The following EIF4G3 variants were observed in gnomAD, a reference collection of about 807,000 sequenced individuals.
EIF4G3 encodes eIF-4-gamma 3.
In EIF4G3, 34 loss-of-function variants were observed where a neutral mutation model predicts 186.4. The ratio of observed to expected loss-of-function variants is 0.18; its 90% CI spans 0.14 to 0.24. EIF4G3 has a LOEUF of 0.24. Among genes scored for constraint, EIF4G3 ranks in the 10% least tolerant of loss-of-function variants. EIF4G3 has a pLI of 1.00. For synonymous variants in EIF4G3, 673 were observed against 679.5 expected, an observed-to-expected ratio of 0.99 and a Z score of 0.15; for missense variants, 1,536 against 1,948.5, an observed-to-expected ratio of 0.79 and a Z score of 3.99.
intron 4 of EIF4G3, among the ~76,000 whole-genome samples, chr1:21,029,465 CG>C (rs112330550): frequency 1.6e-4 from 23 of 143,136 alleles, no homozygotes; most frequent in East Asian, 4.3e-4. Flanking sequence ...GAAATTGAGT[CG>C]GGGGGGGGAA....
At chr1:20,863,446 C>CTTTT (rs66717219) in intron 22 of EIF4G3, among the ~76,000 whole-genome samples, 1 of 113,146 alleles carries the variant, frequency 8.8e-6, no homozygotes, top group African/African-American at 3.4e-5. Context: ...TTTTTTTTTC[C>CTTTT]TTTTTTTTTT....
intron 18 of EIF4G3, chr1:20,892,697 T>C (rs944383063): frequency 3.8e-5 from 59 of 1,535,958 alleles, no homozygotes; most frequent in Admixed American, 1.8e-4. Context: ...GTTCCAGAAT[T>C]GGCAATCCAT....
chr1:21,144,652 T>A (rs557932313), intron 2 of EIF4G3, among the ~76,000 whole-genome samples: 101 of 152,310 alleles, frequency 6.6e-4, no homozygotes, highest in African/African-American at 2.3e-3. Flanking sequence ...TTTAACAATG[T>A]TAAACTGAGC....
At position 20,963,966 on chromosome 1, in the gene EIF4G3, C is replaced by T. The variant is rs2154564902; in HGVS notation, c.714+5508G>A. ...AAAAAAAAATTAAGTGATTTTTGATCCACCATTCATCCTATTTGGAAGTAG... is the reference window on the plus strand; with the variant it reads ...AAAAAAAAATTAAGTGATTTTTGATTCACCATTCATCCTATTTGGAAGTAG... On this transcript the variant is annotated intron_variant, in intron 12 of 36. Transcript: ENST00000602326. Among the ~76,000 whole-genome samples, 4 of 151,594 alleles carry T rather than the reference C, an allele frequency of 2.6e-5. No individual in the cohort carries two copies. The Middle Eastern group carries it at 0.01, about 387-fold the overall frequency.
At chr1:21,073,572 C>G in intron 3 of EIF4G3, 1 of 453,150 alleles carries the variant, frequency 2.2e-6, no homozygotes, top group South Asian at 1.6e-5. Context: ...AAAATGGCAT[C>G]TTCTCACAGG....
intron 14 of EIF4G3, among the ~76,000 whole-genome samples, chr1:20,916,774 G>C (rs1361184217): frequency 1.3e-5 from 2 of 151,840 alleles, no homozygotes; most frequent in African/African-American, 2.4e-5. Context: ...CGGATCAATT[G>C]AAAAAAATAG....
intron 13 of EIF4G3, among the ~76,000 whole-genome samples, chr1:20,946,111 A>C (rs2154562917): frequency 6.6e-6 from 1 of 152,354 alleles, no homozygotes. Flanking sequence ...TAATAAGCAG[A>C]GAGAGGAATG....
chr1:21,133,916 G>A (rs2097196155), intron 2 of EIF4G3, among the ~76,000 whole-genome samples: 1 of 152,074 alleles, frequency 6.6e-6, no homozygotes, highest in Admixed American at 6.6e-5. Context: ...GATGCTTAAA[G>A]GTCACCATCA....
At chr1:20,890,916 TACCCTGAGAC>T (rs1457280175) in intron 18 of EIF4G3, among the ~76,000 whole-genome samples, 1 of 152,220 alleles carries the variant, frequency 6.6e-6, no homozygotes, top group Non-Finnish European at 1.5e-5. Flanking sequence ...ATATCAACAT[TACCCTGAGAC>T]ATCAAAATTT....
intron 2 of EIF4G3, among the ~76,000 whole-genome samples, chr1:21,166,499 C>T (rs2097857552): frequency 6.6e-6 from 1 of 152,040 alleles, no homozygotes; most frequent in African/African-American, 2.4e-5. Flanking sequence ...CTGAGAGGGG[C>T]AGATCACTTA....
rs781008970 is a variant in EIF4G3, at chr1:20,849,565, A to G, written c.3773-35T>C. ...AGGCCCCCCAAAAAAAGTAAAAATA[A>G]TAAAAATTACTATTAAAATAGTGAG... On this transcript the variant is annotated intron_variant, in intron 28 of 36. Transcript: ENST00000602326. 2.9e-6 allele frequency: 3 copies of G among 1,018,956 alleles called. No homozygotes were observed. In the Admixed American group the frequency reaches 8.0e-5, roughly 27 times the overall value. 63.1% of individuals were successfully genotyped at this position (1,018,956 alleles called of 1,614,324 possible).
rs373577786 is a variant in EIF4G3 at position 20,904,849 on chromosome 1, C to T, written c.1752+34G>A. 2.4e-4 allele frequency: 368 copies of T among 1,546,434 alleles called. 3 individuals are homozygous for T. The South Asian group carries it at 3.8e-3, about 16-fold the overall frequency. On this transcript the variant is annotated intron_variant, in intron 15 of 36. Transcript: ENST00000602326. ...CATACCTGTCTATGAAATGGCACCA[C>T]TGCTCTGAATATGAACTTAAGAGAT... is the stretch of plus-strand genomic sequence containing the variant.
chr1:21,039,816 G>A (rs544404646), intron 4 of EIF4G3, among the ~76,000 whole-genome samples: 2 of 152,230 alleles, frequency 1.3e-5, no homozygotes, highest in Admixed American at 6.5e-5. Flanking sequence ...CAACAACAAC[G>A]AAAGAAGCAA....
rs749600476 is a variant in EIF4G3 at position 21,034,963 on chromosome 1, C to T, written c.-67+15903G>A. ...CTGGGGCTGCAGGGGGACCCTGCAA[C>T]GACATCACCCCTGCCCTGGATGCCA... On this transcript the variant is annotated intron_variant, in intron 4 of 36. Transcript: ENST00000602326. Among the ~76,000 whole-genome samples, 104 of 152,076 alleles carry T rather than the reference C, an allele frequency of 6.8e-4. 2 individuals carry two copies. Among genetic ancestry groups the T allele is most frequent in the Admixed American group, 2.3e-3 (35 of 15,286 alleles).
At chr1:20,862,719 G>A (rs2076633367) in intron 22 of EIF4G3, among the ~76,000 whole-genome samples, 1 of 152,120 alleles carries the variant, frequency 6.6e-6, no homozygotes, top group Non-Finnish European at 1.5e-5. Context: ...AGCCCATGTA[G>A]TTTTCTAAAT....
At chr1:20,849,008 C>T (rs908805099) in intron 29 of EIF4G3, among the ~76,000 whole-genome samples, 17 of 129,208 alleles carry the variant, frequency 1.3e-4, no homozygotes, top group Admixed American at 1.2e-3. Context: ...GATCGTGCCA[C>T]TGCACTCCAG....
At chr1:21,028,910 T>C (rs1012219810) in intron 4 of EIF4G3, among the ~76,000 whole-genome samples, 4 of 152,230 alleles carry the variant, frequency 2.6e-5, no homozygotes, top group Non-Finnish European at 5.9e-5. Context: ...TTGTTTGAGA[T>C]ACAGTCTTGC....
intron 6 of EIF4G3, chr1:20,999,682 C>A: frequency 2.3e-6 from 1 of 437,112 alleles, no homozygotes; most frequent in Non-Finnish European, 4.5e-6. Context: ...TAGGAAAGTG[C>A]CCTAGGAAAG....
intron 3 of EIF4G3, among the ~76,000 whole-genome samples, chr1:21,069,686 C>T (rs2095382118): frequency 6.6e-6 from 1 of 152,078 alleles, no homozygotes; most frequent in Non-Finnish European, 1.5e-5. Flanking sequence ...TAGGCTGTCA[C>T]AACAGGAAAG....
Sources: gnomAD v4.1 joint callset for allele counts (sites outside exome capture counted in the v4.1 genomes callset) on GRCh38, gnomAD v4.1.1 for gene constraint, MANE v1.5 for transcripts, NCBI Gene and HGNC (gene_info 2026-07-23, HGNC 2026-07-21) for gene names.